Variants in ADGRB3 observed in about 807,000 individuals in gnomAD.
ADGRB3 encodes brain-specific angiogenesis inhibitor 3.
A neutral mutation model predicts 193.4 loss-of-function variants in ADGRB3; 37 were observed. That is an observed-to-expected ratio of 0.19 (90% CI 0.15 to 0.25). ADGRB3 has a LOEUF of 0.25. Ranked by LOEUF, ADGRB3 falls within the 10% of genes least tolerant of loss-of-function variation. The probability of loss-of-function intolerance (pLI) is 1.00; values close to 1 mark genes in which losing one functional copy is unlikely to be tolerated. For synonymous variants in ADGRB3, 690 were observed against 644.2 expected, an observed-to-expected ratio of 1.07 and a Z score of -1.08; for missense variants, 1,637 against 1,852.9, an observed-to-expected ratio of 0.88 and a Z score of 2.14.
rs1767930851 is a variant in ADGRB3, at chr6:68,635,696, C to G, written c.-492C>G. On this transcript the variant is annotated 5_prime_UTR_variant, in exon 1 of 32. Coordinates refer to ENST00000370598, the MANE Select transcript of ADGRB3 (RefSeq NM_001704.3). ...TTCCTTAGAGTCTCCCTTGGGGGGGCTTCTCCCTCCCTTTAGCCCCCCTCG... is the reference window on the plus strand; with the variant it reads ...TTCCTTAGAGTCTCCCTTGGGGGGGGTTCTCCCTCCCTTTAGCCCCCCTCG... 1 of 152,292 alleles carries G rather than the reference C, an allele frequency of 6.6e-6. No individual in the cohort carries two copies. The highest frequency in any genetic ancestry group is 2.4e-5 in the African/African-American group (1 of 41,420). 9.4% of individuals were successfully genotyped at this position (152,292 alleles called of 1,614,324 possible). A position where few individuals can be genotyped will look rare whatever the true frequency, so the allele number is the denominator to read the frequency against.
At chr6:68,822,285 A>C (rs570730986) in intron 3 of ADGRB3, among the ~76,000 whole-genome samples, 1 of 152,096 alleles carries the variant, frequency 6.6e-6, no homozygotes, top group Admixed American at 6.6e-5. Flanking sequence ...GAATAATAAA[A>C]TTATTGAGAA....
chr6:69,329,142 T>C (rs1434049955), intron 22 of ADGRB3, among the ~76,000 whole-genome samples: 3 of 152,020 alleles, frequency 2.0e-5, no homozygotes. Context: ...GTTTGAAGAT[T>C]AGTTTACATA....
At position 68,772,889 on chromosome 6, in the gene ADGRB3, AAAAAAATATATAT is replaced by A. The variant is rs1396310970; in HGVS notation, c.757+133459_757+133471del. On this transcript the variant is annotated intron_variant, in intron 3 of 31. Transcript: ENST00000370598. ...AACAAACAAACAAACAAACAAAAAA[AAAAAAATATATAT>A]ATATATATATATATATATATATATA... Among the ~76,000 whole-genome samples the A allele has an allele frequency of 3.6e-3, 156 of 43,594 alleles. No individual in the cohort carries two copies. In the East Asian group the frequency reaches 0.038, roughly 11 times the overall value. The allele number at this position is 43,594 out of a possible 152,430, so 28.6% of individuals were successfully genotyped here. A position where few individuals can be genotyped will look rare whatever the true frequency, so the allele number is the denominator to read the frequency against.
chr6:69,027,898 A>T (rs1562127410), intron 13 of ADGRB3, among the ~76,000 whole-genome samples: 1 of 152,256 alleles, frequency 6.6e-6, no homozygotes, highest in Admixed American at 6.5e-5. Context: ...ACAGATTTAT[A>T]TCAAAAATTT....
At chr6:69,248,916 CA>C (rs745320728) in intron 20 of ADGRB3, among the ~76,000 whole-genome samples, 1 of 152,198 alleles carries the variant, frequency 6.6e-6, no homozygotes, top group Non-Finnish European at 1.5e-5. Flanking sequence ...GGGACCTTGG[CA>C]GTTTTTGAAA....
intron 17 of ADGRB3, among the ~76,000 whole-genome samples, chr6:69,186,505 C>T (rs1218251288): frequency 1.3e-5 from 2 of 150,424 alleles, no homozygotes; most frequent in Non-Finnish European, 3.0e-5. Flanking sequence ...GCAGAAGCAG[C>T]AAATCTGTCT....
At position 69,053,340 on chromosome 6, in the gene ADGRB3, A is replaced by C. The variant is rs1325862057; in HGVS notation, c.2333+3994A>C. 2.0e-5 allele frequency among the ~76,000 whole-genome samples: 3 copies of C among 152,346 alleles called. No individual in the cohort carries two copies. In the East Asian group the frequency reaches 5.8e-4, roughly 29 times the overall value. ...ATGTCCATTAGGTAACTGAGTTATA[A>C]TACAACTTATCTTGTTTGCTAAAAC... On this transcript the variant is annotated intron_variant, in intron 15 of 31. Coordinates refer to ENST00000370598, the MANE Select transcript of ADGRB3 (RefSeq NM_001704.3).
intron 16 of ADGRB3, among the ~76,000 whole-genome samples, chr6:69,068,468 C>T (rs1771974479): frequency 6.6e-6 from 1 of 151,894 alleles, no homozygotes. Flanking sequence ...TCTAGAAGAC[C>T]CATTTGCTTG....
At chr6:69,363,276 T>A (rs1268964093) in intron 29 of ADGRB3, among the ~76,000 whole-genome samples, 2 of 152,140 alleles carry the variant, frequency 1.3e-5, no homozygotes, top group East Asian at 3.9e-4. Context: ...GAAGGAAATT[T>A]GGAATTCAGA....
chr6:69,091,816 T>C (rs892624627), intron 17 of ADGRB3, among the ~76,000 whole-genome samples: 4 of 152,170 alleles, frequency 2.6e-5, no homozygotes, highest in African/African-American at 9.7e-5. Flanking sequence ...TAAATAAAAA[T>C]TAACCTTCCA....
chr6:68,896,838 C>A (rs1007339032), intron 3 of ADGRB3, among the ~76,000 whole-genome samples: 6 of 152,268 alleles, frequency 3.9e-5, no homozygotes, highest in Middle Eastern at 3.4e-3. Flanking sequence ...CACAATAATA[C>A]TCTTTCCAGG....
intron 13 of ADGRB3, among the ~76,000 whole-genome samples, chr6:69,035,405 A>T (rs1282504247): frequency 1.3e-5 from 2 of 152,084 alleles, no homozygotes; most frequent in Non-Finnish European, 2.9e-5. Context: ...TGAAGTAAGT[A>T]TCTACAGATC....
At chr6:68,657,291 T>A (rs1768512045) in intron 3 of ADGRB3, among the ~76,000 whole-genome samples, 1 of 151,362 alleles carries the variant, frequency 6.6e-6, no homozygotes, top group African/African-American at 2.4e-5. Context: ...TACAGAACTA[T>A]TTGTTTTCTG....
chr6:69,201,418 A>G (rs1415827301), intron 17 of ADGRB3, among the ~76,000 whole-genome samples: 1 of 151,346 alleles, frequency 6.6e-6, no homozygotes, highest in African/African-American at 2.4e-5. Flanking sequence ...AAAATTCTCT[A>G]TTGATTATTT....
intron 3 of ADGRB3, among the ~76,000 whole-genome samples, chr6:68,743,845 C>T (rs181220338): frequency 1.3e-5 from 2 of 151,904 alleles, no homozygotes; most frequent in Non-Finnish European, 2.9e-5. Context: ...AATTAAATAA[C>T]AGAAATTAAG....
chr6:69,151,361 G>A (rs989040070), intron 17 of ADGRB3, among the ~76,000 whole-genome samples: 4 of 152,114 alleles, frequency 2.6e-5, no homozygotes, highest in East Asian at 1.9e-4. Flanking sequence ...AGTTTTGCCT[G>A]GTGTTGCTTC....
chr6:69,057,132 A>G (rs146578329), intron 15 of ADGRB3, among the ~76,000 whole-genome samples: 1 of 151,980 alleles, frequency 6.6e-6, no homozygotes, highest in African/African-American at 2.4e-5. Context: ...AAGTTTACTC[A>G]TATTTTATTT....
chr6:68,653,666 T>C (rs759458403), intron 3 of ADGRB3, among the ~76,000 whole-genome samples: 1 of 152,088 alleles, frequency 6.6e-6, no homozygotes, highest in Non-Finnish European at 1.5e-5. Flanking sequence ...TTAAAGATAC[T>C]CGAGTTTTTC....
chr6:69,355,951 CATTACATATTGTT>C, intron 28 of ADGRB3, 91 bp downstream of exon 28: 1 of 1,118,696 alleles, frequency 8.9e-7, no homozygotes, highest in Non-Finnish European at 1.3e-6. Context: ...GTGGTTTACA[CATTACATATTGTT>C]CTGTGAAAGG....
Sources: gnomAD v4.1 joint callset for allele counts (sites outside exome capture counted in the v4.1 genomes callset) on GRCh38, gnomAD v4.1.1 for gene constraint, MANE v1.5 for transcripts, NCBI Gene and HGNC (gene_info 2026-07-23, HGNC 2026-07-21) for gene names.